The following CDH13 variants were observed in gnomAD, a reference collection of about 807,000 sequenced individuals.
The protein encoded by CDH13 is cadherin 13.
CDH13 carries 24 observed loss-of-function variants against 63.8 expected under a neutral mutation model. That is an observed-to-expected ratio of 0.38 (90% confidence interval 0.27 to 0.53). The LOEUF (loss-of-function observed/expected upper bound fraction) is 0.53. Among genes scored for constraint, CDH13 ranks in the 20% least tolerant of loss-of-function variants. CDH13 has a pLI of 0.85. For missense variants in CDH13, 1,049 were observed against 903.1 expected, an observed-to-expected ratio of 1.16 and a Z score of -2.07; for synonymous variants, 503 against 355.3, an observed-to-expected ratio of 1.42 and a Z score of -4.67.
chr16:83,530,032 G>A lies in CDH13; in HGVS notation c.960+43377G>A, dbSNP rs2075048783. 2.0e-5 allele frequency among the ~76,000 whole-genome samples: 3 copies of A among 152,164 alleles called. No homozygotes were observed. In the South Asian group the frequency reaches 6.2e-4, roughly 32 times the overall value. ...TTGCAAGCAGAGGGTGCCTGATGCA[G>A]ACACTGAGCTGGACATGAAGCATGT... On this transcript the variant is annotated intron_variant, in intron 7 of 13. Coordinates refer to ENST00000567109, the MANE Select transcript of CDH13 (RefSeq NM_001257.5).
chr16:83,345,604 T>A (rs898252971), intron 6 of CDH13, among the ~76,000 whole-genome samples: 1 of 152,200 alleles, frequency 6.6e-6, no homozygotes, highest in African/African-American at 2.4e-5. Context: ...TTTTCCCATG[T>A]TTAACCTTTC....
chr16:83,250,294 CA>C (rs1264640671), intron 5 of CDH13, among the ~76,000 whole-genome samples: 1 of 152,030 alleles, frequency 6.6e-6, no homozygotes, highest in Non-Finnish European at 1.5e-5. Flanking sequence ...ATTTAATATT[CA>C]AAGAACACCT....
intron 3 of CDH13, among the ~76,000 whole-genome samples, chr16:83,041,059 G>T (rs574788575): frequency 1.1e-4 from 17 of 152,042 alleles, no homozygotes; most frequent in Non-Finnish European, 2.5e-4. Flanking sequence ...ATTTCTACAG[G>T]TCCACTTAAC....
chr16:82,710,635 CATATA>C (rs1471360754), intron 1 of CDH13, among the ~76,000 whole-genome samples: 10 of 128,690 alleles, frequency 7.8e-5, no homozygotes, highest in African/African-American at 1.7e-4. Context: ...AATATATTTA[CATATA>C]ATATAATCAT....
At chr16:83,149,491 T>C (rs1402630806) in intron 4 of CDH13, among the ~76,000 whole-genome samples, 1 of 152,168 alleles carries the variant, frequency 6.6e-6, no homozygotes, top group Non-Finnish European at 1.5e-5. Context: ...TATGGTACAA[T>C]TGAATTCAAT....
chr16:83,089,789 GA>G (rs1257293120), intron 3 of CDH13, among the ~76,000 whole-genome samples: 1 of 152,176 alleles, frequency 6.6e-6, no homozygotes, highest in Non-Finnish European at 1.5e-5. Context: ...CAAGTTTCAG[GA>G]CTTATATAGA....
rs566223556 is a variant in CDH13 at position 83,310,587 on chromosome 16, A to G, written c.637-34275A>G. Among the ~76,000 whole-genome samples the G allele has an allele frequency of 7.4e-4, 112 of 152,262 alleles. 1 individual carries two copies. Among genetic ancestry groups the G allele is most frequent in the African/African-American group, 2.6e-3 (107 of 41,546 alleles). ...GGCTATTGCCTTTTAGGTCCTTCAC[A>G]CGTACCTGGCCAGCTCCCACCTTTC... On this transcript the variant is annotated intron_variant, in intron 5 of 13. Transcript: ENST00000567109.
At chr16:82,900,992 G>T (rs2041447646) in intron 2 of CDH13, among the ~76,000 whole-genome samples, 1 of 152,082 alleles carries the variant, frequency 6.6e-6, no homozygotes, top group African/African-American at 2.4e-5. Flanking sequence ...AGCCCAGAAT[G>T]CCAAGGGAAG....
chr16:83,189,216 T>C (rs8048495), intron 4 of CDH13, among the ~76,000 whole-genome samples: 125,981 of 152,116 alleles, frequency 0.83, 52,206 homozygotes, highest in East Asian at 0.87. Context: ...TCTGTAGATT[T>C]CCGCCGTCTG....
At chr16:83,421,151 G>A (rs1375679664) in intron 6 of CDH13, among the ~76,000 whole-genome samples, 1 of 152,016 alleles carries the variant, frequency 6.6e-6, no homozygotes, top group African/African-American at 2.4e-5. Flanking sequence ...TCATATTCCA[G>A]TACTGGAGGA....
chr16:83,176,585 G>A (rs2038134720), intron 4 of CDH13, among the ~76,000 whole-genome samples: 1 of 151,484 alleles, frequency 6.6e-6, no homozygotes, highest in Non-Finnish European at 1.5e-5. Flanking sequence ...AACATTTAGT[G>A]GGGGTCCAGT....
intron 6 of CDH13, among the ~76,000 whole-genome samples, chr16:83,466,728 CA>C (rs1444462191): frequency 6.6e-6 from 1 of 152,232 alleles, no homozygotes; most frequent in Non-Finnish European, 1.5e-5. Flanking sequence ...AACACACATT[CA>C]GGTGCATCTG....
chr16:83,174,534 C>T (rs1452747458), intron 4 of CDH13, among the ~76,000 whole-genome samples: 1 of 151,942 alleles, frequency 6.6e-6, no homozygotes, highest in East Asian at 1.9e-4. Context: ...ACCCTTTATG[C>T]TTGTATGTAG....
At chr16:82,847,112 G>T (rs1241750656) in intron 1 of CDH13, among the ~76,000 whole-genome samples, 4 of 151,788 alleles carry the variant, frequency 2.6e-5, no homozygotes, top group African/African-American at 9.7e-5. Context: ...CTCTTCATTG[G>T]TTTTCCCAAA....
At chr16:82,651,402 T>C (rs1235204417) in intron 1 of CDH13, among the ~76,000 whole-genome samples, 1 of 152,214 alleles carries the variant, frequency 6.6e-6, no homozygotes, top group African/African-American at 2.4e-5. Flanking sequence ...GAAAGACATT[T>C]TGCAGTTAAG....
At chr16:83,550,996 G>A (rs1472470757) in intron 7 of CDH13, among the ~76,000 whole-genome samples, 1 of 151,942 alleles carries the variant, frequency 6.6e-6, no homozygotes, top group Non-Finnish European at 1.5e-5. Context: ...CATCTCCCAA[G>A]TAGTCTTCTG....
chr16:83,085,801 C>G (rs1261907288), intron 3 of CDH13, among the ~76,000 whole-genome samples: 1 of 152,196 alleles, frequency 6.6e-6, no homozygotes, highest in African/African-American at 2.4e-5. Context: ...TCTCAGAGGT[C>G]TCAATATGCT....
intron 1 of CDH13, among the ~76,000 whole-genome samples, chr16:82,632,083 C>T (rs774539083): frequency 2.0e-5 from 3 of 152,144 alleles, no homozygotes; most frequent in Non-Finnish European, 4.4e-5. Context: ...TCAGGCAACC[C>T]TAGATCCACA....
chr16:83,623,386 T>C (rs1251751645), intron 8 of CDH13, among the ~76,000 whole-genome samples: 3 of 152,192 alleles, frequency 2.0e-5, no homozygotes, highest in Non-Finnish European at 4.4e-5. Flanking sequence ...CTTCCCAGCA[T>C]GCACTATCGG....
Sources: gnomAD v4.1 joint callset for allele counts (sites outside exome capture counted in the v4.1 genomes callset) on GRCh38, gnomAD v4.1.1 for gene constraint, MANE v1.5 for transcripts, NCBI Gene and HGNC (gene_info 2026-07-23, HGNC 2026-07-21) for gene names.